ZNF385B: variants seen among roughly 807,000 people sequenced by gnomAD.
ZNF385B encodes the protein zinc finger protein 385B.
In ZNF385B, 23 loss-of-function variants were observed where a neutral mutation model predicts 39.2. That is an observed-to-expected ratio of 0.59 (90% CI 0.42 to 0.83). The LOEUF (loss-of-function observed/expected upper bound fraction) is 0.83, where lower values mean the gene tolerates loss of function less well. Among genes scored for constraint, ZNF385B ranks in the 40% least tolerant of loss-of-function variants. The probability of loss-of-function intolerance (pLI) is 0.00; values close to 1 mark genes in which losing one functional copy is unlikely to be tolerated. For synonymous variants in ZNF385B, 205 were observed against 222.6 expected, an observed-to-expected ratio of 0.92 and a Z score of 0.70; for missense variants, 552 against 598.9, an observed-to-expected ratio of 0.92 and a Z score of 0.82.
At chr2:179,807,722 C>T (rs1382059737) in intron 1 of ZNF385B, among the ~76,000 whole-genome samples, 2 of 151,868 alleles carry the variant, frequency 1.3e-5, no homozygotes, top group Non-Finnish European at 2.9e-5. Context: ...GGTGAAACCC[C>T]GTCTCTACTA....
At chr2:179,490,688 G>A (rs887724138) in intron 5 of ZNF385B, among the ~76,000 whole-genome samples, 1 of 151,550 alleles carries the variant, frequency 6.6e-6, no homozygotes, top group East Asian at 1.9e-4. Context: ...ATAAAATTTT[G>A]TCTCATTTTC....
chr2:179,630,891 G>T (rs997828151), intron 3 of ZNF385B, among the ~76,000 whole-genome samples: 1 of 152,164 alleles, frequency 6.6e-6, no homozygotes, highest in African/African-American at 2.4e-5. Context: ...TTCAATAGCT[G>T]ATTTGATCAA....
chr2:179,821,960 T>C (rs1412180470), intron 1 of ZNF385B, among the ~76,000 whole-genome samples: 2 of 152,212 alleles, frequency 1.3e-5, no homozygotes, highest in African/African-American at 4.8e-5. Flanking sequence ...TGCTTAAAAT[T>C]CACTATGTTC....
rs762403809 is a variant in ZNF385B at position 179,544,922 on chromosome 2, T to G, written c.346A>C (p.Thr116Pro). The change falls in exon 4 of 10, where the codon ACC (threonine) becomes CCC (proline). Residue 116 changes from threonine (T) to proline (P), a missense_variant. Physicochemically the swap from Thr to Pro is conservative, Grantham distance 38. Coordinates refer to ENST00000410066, the MANE Select transcript of ZNF385B (RefSeq NM_152520.6). ...TTLPALVRTP[T>P]LMMQPSLDIK... ...TCCAGTGAAGGCTGCATCATCAGGG[T>G]AGGTGTGCGCACAAGAGCAGGAAGG... The G allele has an allele frequency of 6.8e-6, 11 of 1,613,892 alleles. No individual in the cohort carries two copies. The South Asian group carries it at 9.9e-5, about 14-fold the overall frequency.
intron 3 of ZNF385B, among the ~76,000 whole-genome samples, chr2:179,581,812 T>C (rs1308236600): frequency 1.3e-5 from 2 of 152,132 alleles, no homozygotes; most frequent in Non-Finnish European, 2.9e-5. Flanking sequence ...GAAAGGTGTG[T>C]TTCCTCCTTT....
At chr2:179,730,747 A>T (rs1211741313) in intron 3 of ZNF385B, among the ~76,000 whole-genome samples, 2 of 152,248 alleles carry the variant, frequency 1.3e-5, no homozygotes, top group African/African-American at 2.4e-5. Flanking sequence ...AGAAACAAAT[A>T]TATGTACATG....
chr2:179,473,773 C>T lies in ZNF385B; in HGVS notation c.715+9499G>A, dbSNP rs376915465. ...ACTCCCACTTATGAGTGAGAAGATG[C>T]GGTGTTTGGTTTTCTGTTCCTGTGT... is the stretch of plus-strand genomic sequence containing the variant. On this transcript the variant is annotated intron_variant, in intron 6 of 9. Transcript: ENST00000410066. Among the ~76,000 whole-genome samples the T allele has an allele frequency of 6.2e-4, 94 of 152,090 alleles. 1 individual carries two copies. Among genetic ancestry groups the T allele is most frequent in the African/African-American group, 1.9e-3 (78 of 41,460 alleles).
At chr2:179,777,835 C>T (rs888519957) in intron 1 of ZNF385B, among the ~76,000 whole-genome samples, 1 of 150,550 alleles carries the variant, frequency 6.6e-6, no homozygotes, top group African/African-American at 2.4e-5. Flanking sequence ...GGCAGTGGCA[C>T]GATCTCGGCA....
intron 3 of ZNF385B, among the ~76,000 whole-genome samples, chr2:179,673,928 T>C (rs1033256683): frequency 6.6e-6 from 1 of 152,208 alleles, no homozygotes; most frequent in African/African-American, 2.4e-5. Context: ...CATAAAATCA[T>C]GCAGACTTTT....
chr2:179,808,775 T>G (rs748599584), intron 1 of ZNF385B, among the ~76,000 whole-genome samples: 9 of 152,194 alleles, frequency 5.9e-5, no homozygotes, highest in Non-Finnish European at 1.0e-4. Context: ...CTTTAGAGCC[T>G]TAACAAAAGA....
rs116998593 is a variant in ZNF385B, at chr2:179,541,917, T to C, written c.441+2910A>G. Reference sequence around the variant, plus strand: ...AGAGCCCGAATATGAATTTTGAAGTTAAAAAGATTCTAATTCAAGTCTCAG... The same window carrying C: ...AGAGCCCGAATATGAATTTTGAAGTCAAAAAGATTCTAATTCAAGTCTCAG... On this transcript the variant is annotated intron_variant, in intron 4 of 9. Coordinates refer to ENST00000410066, the MANE Select transcript of ZNF385B (RefSeq NM_152520.6). Among the ~76,000 whole-genome samples the C allele has an allele frequency of 2.0e-5, 3 of 152,280 alleles. No individual in the cohort carries two copies. The East Asian group carries it at 5.8e-4, about 29-fold the overall frequency.
At position 179,803,720 on chromosome 2, in the gene ZNF385B, A is replaced by G. The variant is rs571829511; in HGVS notation, c.-154-33048T>C. 2.6e-5 allele frequency among the ~76,000 whole-genome samples: 4 copies of G among 152,318 alleles called. No individual in the cohort carries two copies. The South Asian group carries it at 8.3e-4, about 32-fold the overall frequency. Reference sequence around the variant, plus strand: ...AGTGCAAAGCCCTGGACTAGAGTCTATAAAGCATCAAAGAAAGATAATTCA... The same window carrying G: ...AGTGCAAAGCCCTGGACTAGAGTCTGTAAAGCATCAAAGAAAGATAATTCA... On this transcript the variant is annotated intron_variant, in intron 1 of 9. Transcript: ENST00000410066.
Position 179,733,424 on chromosome 2 carries a change from A to T in ZNF385B, c.298+36079T>A, listed in dbSNP as rs1701522894. On this transcript the variant is annotated intron_variant, in intron 3 of 9. Coordinates refer to ENST00000410066, the MANE Select transcript of ZNF385B (RefSeq NM_152520.6). The stretch of plus-strand genomic sequence containing the variant: ...CTTCCATTTCCCCTCCACTTCTTTC[A>T]TCTGTTACCTTCTTTTTAATGTGAA... 3.9e-5 allele frequency among the ~76,000 whole-genome samples: 6 copies of T among 152,236 alleles called. No individual in the cohort carries two copies. In the South Asian group the frequency reaches 1.2e-3, roughly 32 times the overall value.
At chr2:179,744,590 GT>G (rs771979418) in intron 3 of ZNF385B, among the ~76,000 whole-genome samples, 54 of 152,092 alleles carry the variant, frequency 3.6e-4, no homozygotes, top group Non-Finnish European at 8.8e-5. Flanking sequence ...TGTACTGGCA[GT>G]AAAAGAGGTT....
At chr2:179,647,756 G>A (rs931503957) in intron 3 of ZNF385B, among the ~76,000 whole-genome samples, 15 of 152,160 alleles carry the variant, frequency 9.9e-5, no homozygotes, top group Non-Finnish European at 7.4e-5. Context: ...CTCTCACTGT[G>A]GGGAGAGAAA....
intron 1 of ZNF385B, among the ~76,000 whole-genome samples, chr2:179,816,571 G>A (rs1162340310): frequency 6.6e-6 from 1 of 152,172 alleles, no homozygotes; most frequent in Non-Finnish European, 1.5e-5. Context: ...AGGGCAGAGA[G>A]CAGGAGGATC....
chr2:179,837,632 G>C (rs1708322936), intron 1 of ZNF385B, among the ~76,000 whole-genome samples: 1 of 152,140 alleles, frequency 6.6e-6, no homozygotes, highest in African/African-American at 2.4e-5. Flanking sequence ...CAAATATACT[G>C]CTTCATCTAA....
chr2:179,812,803 T>A (rs1706820376), intron 1 of ZNF385B, among the ~76,000 whole-genome samples: 1 of 152,222 alleles, frequency 6.6e-6, no homozygotes, highest in African/African-American at 2.4e-5. Flanking sequence ...GTATTTATTT[T>A]ACTTTCTTTG....
intron 3 of ZNF385B, among the ~76,000 whole-genome samples, chr2:179,678,362 C>A (rs567855253): frequency 1.3e-5 from 2 of 152,204 alleles, no homozygotes; most frequent in East Asian, 3.9e-4. Flanking sequence ...CCTATATTTC[C>A]CAGCCTCTCT....
Sources: allele counts gnomAD v4.1 joint callset (sites outside exome capture counted in the v4.1 genomes callset), GRCh38; gene constraint gnomAD v4.1.1; transcripts MANE v1.5; gene names NCBI Gene and HGNC (gene_info 2026-07-23, HGNC 2026-07-21).